Variants in NOTCH2NLR observed in about 807,000 individuals in gnomAD.
The protein encoded by NOTCH2NLR is notch 2 N-terminal like R (pseudogene).
A neutral mutation model predicts 35.6 loss-of-function variants in NOTCH2NLR; 33 were observed. The observed-to-expected ratio is 0.93, with a 90% confidence interval of 0.70 to 1.24. NOTCH2NLR has a LOEUF of 1.24. Ranked by LOEUF, NOTCH2NLR falls within the 50% of genes most tolerant of loss-of-function variation. The pLI is 0.00. For missense variants in NOTCH2NLR, 276 were observed against 362.2 expected (o/e 0.76, Z 1.93); for synonymous variants, 103 against 141.0 (o/e 0.73, Z 1.91).
In NOTCH2NLR at chr1:120,790,198, T is replaced by A. The variant is rs1218075276; in HGVS notation, c.416-2963T>A. Among the ~76,000 whole-genome samples the A allele has an allele frequency of 2.3e-4, 24 of 103,390 alleles. 6 individuals carry two copies. Among genetic ancestry groups the A allele is most frequent in the African/African-American group, 1.5e-3 (23 of 15,770 alleles). The allele number at this position is 103,390 out of a possible 152,430, so 67.8% of individuals were successfully genotyped here. The stretch of plus-strand genomic sequence containing the variant: ...GCCCGGCTAATTTTTGTATTTTTAG[T>A]AGAGATGGGCTTTCACCTTGTTAGC... On this transcript the variant is annotated intron_variant, in intron 3 of 4. Transcript: ENST00000624419.
At chr1:120,793,791 G>A in exon 5 of NOTCH2NLR, 2 of 1,023,454 alleles carry the variant, frequency 2.0e-6, no homozygotes, top group South Asian at 1.3e-5. Context: ...AAAGAGACAG[G>A]CAAGTCTGGA....
chr1:120,763,656 CTGTGTAAATAAAGGAATG>C (rs1651157206), exon 2 of NOTCH2NLR: 1 of 1,412,320 alleles, frequency 7.1e-7, no homozygotes, highest in Non-Finnish European at 9.5e-7. Flanking sequence ...GCTATGAACC[CTGTGTAAATAAAGGAATG>C]TGTGTTACCT....
At chr1:120,783,862 A>G (rs1296974165) in intron 2 of NOTCH2NLR, among the ~76,000 whole-genome samples, 3 of 107,702 alleles carry the variant, frequency 2.8e-5, no homozygotes, top group Admixed American at 9.0e-5. Flanking sequence ...AAAACGGTAC[A>G]TGGAGTGGTT....
intron 1 of NOTCH2NLR, among the ~76,000 whole-genome samples, chr1:120,745,014 G>T (rs1459600188): frequency 2.5e-5 from 1 of 39,378 alleles, no homozygotes; most frequent in Admixed American, 2.7e-4. Flanking sequence ...CAGCTACTTG[G>T]GAGGCTGAGG....
At chr1:120,724,022 C>T in exon 1 of NOTCH2NLR, 1 of 1,242,072 alleles carries the variant, frequency 8.1e-7, no homozygotes, top group Non-Finnish European at 1.0e-6. Flanking sequence ...GGCATTTGCA[C>T]CTGGGCTTCG....
At position 120,793,185 on chromosome 1, in the gene NOTCH2NLR, C is replaced by A; in HGVS notation, c.440C>A (p.Ala147Asp). Residue 147 changes from alanine (A) to aspartate (D), a missense_variant, in exon 4 of 5, where the codon GCC (alanine) becomes GAC (aspartate). Transcript: ENST00000624419. ...GGTAAGGAGTGCCAATGGACCGATG[C>A]CTGCCTGTCTCATCTCTGTGCAAAT... is the stretch of plus-strand genomic sequence containing the variant. 9.7e-6 allele frequency: 14 copies of A among 1,440,302 alleles called. 2 individuals are homozygous for A. The Middle Eastern group carries it at 7.1e-4, about 73-fold the overall frequency. The allele number at this position is 1,440,302 out of a possible 1,614,324, so 89.2% of individuals were successfully genotyped here. A position where few individuals can be genotyped will look rare whatever the true frequency, so the allele number is the denominator to read the frequency against.
In NOTCH2NLR at chr1:120,793,447, C is replaced by T; in HGVS notation, c.702C>T (p.Gly234=). The change falls in exon 4 of 5, where the codon GGC becomes GGT. Residue 234 remains glycine, a synonymous_variant. Transcript: ENST00000624419. ...CACACTCGCCTTGTGTCAATGGAGG[C>T]ACCTGTCGGCAGACTGGTGACTTCA... 2.1e-6 allele frequency: 3 copies of T among 1,438,692 alleles called. 1 individual carries two copies. In the South Asian group the frequency reaches 3.6e-5, roughly 17 times the overall value. 89.1% of individuals were successfully genotyped at this position (1,438,692 alleles called of 1,614,324 possible).
intron 1 of NOTCH2NLR, 37 bp downstream of exon 1, chr1:120,724,287 C>T (rs2101332113): frequency 5.1e-6 from 7 of 1,373,278 alleles, no homozygotes; most frequent in East Asian, 5.1e-5. Context: ...CCGCGGCGCC[C>T]GGGGCTGCCA....
rs1357578539 is a variant in NOTCH2NLR at position 120,764,220 on chromosome 1, C to T, written c.155+511C>T. Among the ~76,000 whole-genome samples the T allele has an allele frequency of 4.3e-4, 49 of 114,678 alleles. 13 individuals are homozygous for T. The highest frequency in any genetic ancestry group is 5.7e-4 in the Non-Finnish European group (34 of 59,698). 75.2% of individuals were successfully genotyped at this position (114,678 alleles called of 152,430 possible). On this transcript the variant is annotated intron_variant, in intron 2 of 4. Transcript: ENST00000624419. The stretch of plus-strand genomic sequence containing the variant: ...TGAGACCACATCATTGCACTCTAGC[C>T]TGGGTGACAGAGCAAGACTCCGTCT...
At chr1:120,727,294 A>AT (rs1373352954) in intron 1 of NOTCH2NLR, among the ~76,000 whole-genome samples, 7 of 99,050 alleles carry the variant, frequency 7.1e-5, no homozygotes, top group African/African-American at 1.3e-4. Flanking sequence ...GATTAAGTAC[A>AT]TTTTTTTTTA....
chr1:120,728,577 CCTGTATTA>C lies in NOTCH2NLR; in HGVS notation c.73+4338_73+4345del, dbSNP rs1384967836. Reference sequence around the variant, plus strand: ...TCACTCAAGTTTGCTTCCACTGCTTCCTGTATTACTGTATTACTAGGCCAGCAATTTCT... The same window carrying C: ...TCACTCAAGTTTGCTTCCACTGCTTCCTGTATTACTAGGCCAGCAATTTCT... On this transcript the variant is annotated intron_variant, in intron 1 of 4. Transcript: ENST00000624419. 2.9e-4 allele frequency among the ~76,000 whole-genome samples: 34 copies of C among 117,856 alleles called. 8 individuals carry two copies. Among genetic ancestry groups the C allele is most frequent in the Admixed American group, 2.5e-3 (31 of 12,378 alleles). 77.3% of individuals were successfully genotyped at this position (117,856 alleles called of 152,430 possible).
intron 1 of NOTCH2NLR, among the ~76,000 whole-genome samples, chr1:120,745,178 A>C (rs1264853199): frequency 9.1e-6 from 1 of 109,490 alleles, no homozygotes; most frequent in African/African-American, 5.5e-5. Flanking sequence ...GTCTAATTGC[A>C]AAGCCACATT....
chr1:120,763,688 A>T lies in NOTCH2NLR; in HGVS notation c.134A>T (p.His45Leu), dbSNP rs1318875986. 7.9e-6 allele frequency: 11 copies of T among 1,394,486 alleles called. 3 individuals carry two copies. Among genetic ancestry groups the T allele is most frequent in the Non-Finnish European group, 6.7e-6 (7 of 1,037,742 alleles). The allele number at this position is 1,394,486 out of a possible 1,614,324, so 86.4% of individuals were successfully genotyped here. The change falls in exon 2 of 5, where the codon CAC becomes CTC. Residue 45 changes from histidine to leucine, a missense_variant. Coordinates refer to ENST00000624419, the Ensembl canonical transcript of NOTCH2NLR. ...AATAAAGGAATGTGTGTTACCTACC[A>T]CAGTGGCACAGGATACTGCAAGTAA...
At position 120,784,949 on chromosome 1, in the gene NOTCH2NLR, A is replaced by G; in HGVS notation, c.156-25A>G. On this transcript the variant is annotated intron_variant, in intron 2 of 4. Coordinates refer to ENST00000624419, the Ensembl canonical transcript of NOTCH2NLR. ...GACTTACAAGAAGTCAGGTGTTTTCATGGACTCTTCTCTTTTCCATACAGA... is the reference window on the plus strand; with the variant it reads ...GACTTACAAGAAGTCAGGTGTTTTCGTGGACTCTTCTCTTTTCCATACAGA... 2.3e-6 allele frequency: 3 copies of G among 1,326,228 alleles called. 1 individual carries two copies. Among genetic ancestry groups the G allele is most frequent in the Non-Finnish European group, 3.1e-6 (3 of 979,022 alleles). The allele number at this position is 1,326,228 out of a possible 1,614,324, so 82.2% of individuals were successfully genotyped here.
chr1:120,778,442 C>T lies in NOTCH2NLR; in HGVS notation c.156-6532C>T, dbSNP rs1275307442. 1.1e-4 allele frequency among the ~76,000 whole-genome samples: 12 copies of T among 111,964 alleles called. 1 individual carries two copies. Among genetic ancestry groups the T allele is most frequent in the Non-Finnish European group, 1.8e-4 (11 of 59,698 alleles). The allele number at this position is 111,964 out of a possible 152,430, so 73.5% of individuals were successfully genotyped here. A position where few individuals can be genotyped will look rare whatever the true frequency, so the allele number is the denominator to read the frequency against. ...GCAGCTTCAGTGCCGACGCAACCCACATGAGACTTTTTTTTCCCCTTCGTT... is the reference window on the plus strand; with the variant it reads ...GCAGCTTCAGTGCCGACGCAACCCATATGAGACTTTTTTTTCCCCTTCGTT... On this transcript the variant is annotated intron_variant, in intron 2 of 4. Coordinates refer to ENST00000624419, the Ensembl canonical transcript of NOTCH2NLR.
rs1223866746 is a variant in NOTCH2NLR at position 120,779,686 on chromosome 1, A to G, written c.156-5288A>G. On this transcript the variant is annotated intron_variant, in intron 2 of 4. Transcript: ENST00000624419. ...GCTGGGTAGCTTAATGGAATTATAG[A>G]TATGTAAGGGGTGTTGGGTGTTTAG... 1.6e-5 allele frequency among the ~76,000 whole-genome samples: 2 copies of G among 122,260 alleles called. 1 individual carries two copies. Among genetic ancestry groups the G allele is most frequent in the Non-Finnish European group, 3.3e-5 (2 of 60,406 alleles). 80.2% of individuals were successfully genotyped at this position (122,260 alleles called of 152,430 possible).
chr1:120,724,756 C>T (rs1423407189), intron 1 of NOTCH2NLR, among the ~76,000 whole-genome samples: 1 of 117,616 alleles, frequency 8.5e-6, no homozygotes, highest in African/African-American at 4.4e-5. Context: ...GGTGTGTGGG[C>T]TTGGTTTGGA....
chr1:120,785,307 G>T, intron 3 of NOTCH2NLR, 74 bp downstream of exon 3: 8 of 1,217,336 alleles, frequency 6.6e-6, no homozygotes, highest in Non-Finnish European at 9.1e-6. Flanking sequence ...TTAGATCATG[G>T]TGTCTGGCTC....
chr1:120,767,968 G>A (rs1311193672), intron 2 of NOTCH2NLR, among the ~76,000 whole-genome samples: 1 of 116,630 alleles, frequency 8.6e-6, no homozygotes, highest in South Asian at 2.5e-4. Context: ...CTCCTTCTTT[G>A]GACCATGGGT....
Sources: gnomAD v4.1 joint callset for allele counts (sites outside exome capture counted in the v4.1 genomes callset) on GRCh38, gnomAD v4.1.1 for gene constraint, MANE v1.5 for transcripts, NCBI Gene and HGNC (gene_info 2026-07-23, HGNC 2026-07-21) for gene names.